HIPK3: variants seen among roughly 807,000 people sequenced by gnomAD.
The protein encoded by HIPK3 is homeodomain interacting protein kinase 3.
In HIPK3, 47 loss-of-function variants were observed where a neutral mutation model predicts 124.2. The observed-to-expected ratio is 0.38, with a 90% CI of 0.30 to 0.48. The LOEUF (loss-of-function observed/expected upper bound fraction) is 0.48, where lower values mean the gene tolerates loss of function less well. Among genes scored for constraint, HIPK3 ranks in the 20% least tolerant of loss-of-function variants. HIPK3 has a pLI of 0.98. For synonymous variants in HIPK3, 482 were observed against 515.2 expected (o/e 0.94, Z 0.87); for missense variants, 1,286 against 1,454.3 (o/e 0.88, Z 1.88).
Position 33,348,198 on chromosome 11 carries a change from C to T in HIPK3, c.2339C>T (p.Pro780Leu). The T allele has an allele frequency of 1.1e-5, 17 of 1,613,860 alleles. No homozygotes were observed. Among genetic ancestry groups the T allele is most frequent in the Non-Finnish European group, 1.4e-5 (17 of 1,179,884 alleles). The change falls in exon 12 of 17, where the codon CCA becomes CTA. Residue 780 changes from proline to leucine, a missense_variant. Pro to Leu is a moderately conservative substitution (Grantham distance 98). Coordinates refer to ENST00000303296, the MANE Select transcript of HIPK3 (RefSeq NM_005734.5). ...TTGGTAAAACTAATGGAATGGGAGCCAGGAAGAGAGGAAATAAATGCTTTC... is the reference window on the plus strand; with the variant it reads ...TTGGTAAAACTAATGGAATGGGAGCTAGGAAGAGAGGAAATAAATGCTTTC... Reference protein sequence around the residue: ...GILVKLMEWEPGREEINAFSW... With the variant: ...GILVKLMEWELGREEINAFSW...
Position 33,257,876 on chromosome 11 carries a change from G to C in HIPK3, c.-16G>C, listed in dbSNP as rs945419616. The C allele has an allele frequency of 1.0e-6, 1 of 985,452 alleles. No homozygotes were observed. Among genetic ancestry groups the C allele is most frequent in the South Asian group, 4.7e-5 (1 of 21,302 alleles). 61.0% of individuals were successfully genotyped at this position (985,452 alleles called of 1,614,324 possible). ...CGGCCGCCCGAAGAGGAGAGAGCGC[G>C]GGCCTCTAGGAAGGTAAGGGAGTCG... On this transcript the variant is annotated 5_prime_UTR_variant, in exon 1 of 17. Coordinates refer to ENST00000303296, the MANE Select transcript of HIPK3 (RefSeq NM_005734.5).
chr11:33,314,469 G>T (rs1852437914), intron 2 of HIPK3, among the ~76,000 whole-genome samples: 1 of 152,082 alleles, frequency 6.6e-6, no homozygotes, highest in South Asian at 2.1e-4. Flanking sequence ...CCTGGCCAAT[G>T]TGGTAAAAAC....
intron 4 of HIPK3, 128 bp downstream of exon 4, chr11:33,337,322 G>T: frequency 2.1e-6 from 1 of 480,890 alleles, no homozygotes. Context: ...TTCATTTTTG[G>T]CCCTTCTTTA....
chr11:33,281,297 G>GA (rs1470744250), intron 1 of HIPK3, among the ~76,000 whole-genome samples: 6 of 151,778 alleles, frequency 4.0e-5, no homozygotes, highest in African/African-American at 1.5e-4. Flanking sequence ...TTTCATTAAG[G>GA]AAAAATATAA....
At chr11:33,349,733 G>A (rs1853601984) in intron 14 of HIPK3, among the ~76,000 whole-genome samples, 1 of 152,142 alleles carries the variant, frequency 6.6e-6, no homozygotes, top group Non-Finnish European at 1.5e-5. Context: ...TTACAGGCAT[G>A]AGCCACCATA....
intron 2 of HIPK3, among the ~76,000 whole-genome samples, chr11:33,309,786 C>G (rs1207923283): frequency 6.6e-6 from 1 of 152,192 alleles, no homozygotes; most frequent in Non-Finnish European, 1.5e-5. Context: ...TACCAGTACA[C>G]TGTACTGCTA....
chr11:33,348,342 GT>G (rs963139842), intron 12 of HIPK3, 114 bp downstream of exon 12: 4 of 1,050,250 alleles, frequency 3.8e-6, no homozygotes, highest in Non-Finnish European at 5.6e-6. Flanking sequence ...TGTAAATGCA[GT>G]CTACATGGAT....
intron 2 of HIPK3, among the ~76,000 whole-genome samples, chr11:33,289,976 T>C (rs909950588): frequency 5.3e-5 from 8 of 152,240 alleles, no homozygotes; most frequent in African/African-American, 1.9e-4. Flanking sequence ...TCCATCCATG[T>C]TGTTGCAATT....
At chr11:33,265,860 TG>T (rs1850944114) in intron 1 of HIPK3, among the ~76,000 whole-genome samples, 2 of 126,564 alleles carry the variant, frequency 1.6e-5, no homozygotes, top group Admixed American at 8.4e-5. Flanking sequence ...CCGAGGCGGG[TG>T]GGTCATGAGG....
intron 3 of HIPK3, among the ~76,000 whole-genome samples, chr11:33,330,922 C>T (rs908001831): frequency 1.2e-4 from 18 of 151,018 alleles, no homozygotes; most frequent in Admixed American, 1.1e-3. Flanking sequence ...CTCACTCTGT[C>T]GCCCAGGCCT....
chr11:33,299,208 T>C (rs1309556172), intron 2 of HIPK3, among the ~76,000 whole-genome samples: 2 of 147,164 alleles, frequency 1.4e-5, no homozygotes, highest in African/African-American at 2.5e-5. Context: ...GCGCGGTGGC[T>C]CACGCCTGTA....
At chr11:33,339,681 C>T in intron 6 of HIPK3, 147 bp downstream of exon 6, 2 of 560,002 alleles carry the variant, frequency 3.6e-6, no homozygotes, top group Non-Finnish European at 6.3e-6. Context: ...TTCACATACA[C>T]CAGTAAGTGT....
At chr11:33,330,623 C>T (rs1490845462) in intron 3 of HIPK3, among the ~76,000 whole-genome samples, 2 of 151,946 alleles carry the variant, frequency 1.3e-5, no homozygotes, top group South Asian at 4.1e-4. Flanking sequence ...CACTGTGCCC[C>T]GCCCACAGTT....
At chr11:33,299,786 G>A (rs1851943187) in intron 2 of HIPK3, among the ~76,000 whole-genome samples, 1 of 152,204 alleles carries the variant, frequency 6.6e-6, no homozygotes, top group Non-Finnish European at 1.5e-5. Flanking sequence ...AGCACTTTGG[G>A]AGGCTGAGGT....
intron 3 of HIPK3, among the ~76,000 whole-genome samples, chr11:33,331,427 G>A (rs1182753717): frequency 6.6e-6 from 1 of 152,186 alleles, no homozygotes; most frequent in Non-Finnish European, 1.5e-5. Flanking sequence ...AGGCTGGAAT[G>A]CAGTGGCATG....
rs567669687 is a variant in HIPK3, at chr11:33,271,096, G to T, written c.-3+13207G>T. On this transcript the variant is annotated intron_variant, in intron 1 of 16. Coordinates refer to ENST00000303296, the MANE Select transcript of HIPK3 (RefSeq NM_005734.5). Reference sequence around the variant, plus strand: ...CCTAGCAGTATGATTCCAGGTAAATGATACTGCCTTAGTGGTAATTTTTAT... The same window carrying T: ...CCTAGCAGTATGATTCCAGGTAAATTATACTGCCTTAGTGGTAATTTTTAT... Among the ~76,000 whole-genome samples the T allele has an allele frequency of 3.3e-5, 5 of 152,252 alleles. No homozygotes were observed. The East Asian group carries it at 5.8e-4, about 18-fold the overall frequency.
intron 2 of HIPK3, among the ~76,000 whole-genome samples, chr11:33,316,406 C>T (rs1038988047): frequency 6.6e-6 from 1 of 152,126 alleles, no homozygotes; most frequent in Non-Finnish European, 1.5e-5. Context: ...TGTAAGTTCC[C>T]CTGTTATGCT....
chr11:33,274,055 A>G (rs1391218282), intron 1 of HIPK3, among the ~76,000 whole-genome samples: 1 of 152,202 alleles, frequency 6.6e-6, no homozygotes, highest in Non-Finnish European at 1.5e-5. Flanking sequence ...GGTAAACCAT[A>G]CTTTTGAAAA....
At chr11:33,262,069 A>G (rs1397094249) in intron 1 of HIPK3, among the ~76,000 whole-genome samples, 1 of 152,190 alleles carries the variant, frequency 6.6e-6, no homozygotes, top group Non-Finnish European at 1.5e-5. Flanking sequence ...CTGGTTCTGG[A>G]TCCAGCTGCT....
Sources: allele counts gnomAD v4.1 joint callset (sites outside exome capture counted in the v4.1 genomes callset), GRCh38; gene constraint gnomAD v4.1.1; transcripts MANE v1.5; gene names NCBI Gene and HGNC (gene_info 2026-07-23, HGNC 2026-07-21).